Variants in TMC2 observed in about 807,000 individuals in gnomAD.
The protein encoded by TMC2 is transmembrane channel like 2.
Under a neutral mutation model 105.9 loss-of-function variants are expected in TMC2, and 102 were observed. The observed-to-expected ratio is 0.96, with a 90% CI of 0.82 to 1.14. The LOEUF (loss-of-function observed/expected upper bound fraction) is 1.14, where lower values mean the gene tolerates loss of function less well. TMC2 is among the 50% of genes most tolerant of loss of function. TMC2 has a pLI of 0.00. For synonymous variants in TMC2, 402 were observed against 422.8 expected (o/e 0.95, Z 0.60); for missense variants, 1,093 against 1,134.3 (o/e 0.96, Z 0.52).
At chr20:2,628,052 C>T (rs926261430) in intron 17 of TMC2, among the ~76,000 whole-genome samples, 6 of 151,796 alleles carry the variant, frequency 4.0e-5, no homozygotes, top group Admixed American at 6.6e-5. Flanking sequence ...CCTGTAATCC[C>T]AGCTACTTGA....
At position 2,615,487 on chromosome 20, in the gene TMC2, G is replaced by A. The variant is rs370488739; in HGVS notation, c.1873-650G>A. The stretch of plus-strand genomic sequence containing the variant: ...ATTTCTGGAAGACAAATTGGGATGT[G>A]GGCTTTAGCATGCTTCATGAGGACC... On this transcript the variant is annotated intron_variant, in intron 14 of 19. Transcript: ENST00000358864. Among the ~76,000 whole-genome samples, 138 of 152,298 alleles carry A rather than the reference G, an allele frequency of 9.1e-4. 2 individuals carry two copies. The South Asian group carries it at 0.028, about 31-fold the overall frequency.
chr20:2,558,804 G>A lies in TMC2; in HGVS notation c.401+30G>A. 6.7e-7 allele frequency: 1 copy of A among 1,498,052 alleles called. No homozygotes were observed. The highest frequency in any genetic ancestry group is 8.9e-7 in the Non-Finnish European group (1 of 1,124,308). The allele number at this position is 1,498,052 out of a possible 1,614,324, so 92.8% of individuals were successfully genotyped here. ...GTTGTGGCTCCGATTCTGGGCATTC[G>A]CTCCGCGCGCTCCCGCTCCTTCGCG... On this transcript the variant is annotated intron_variant, in intron 3 of 19. Coordinates refer to ENST00000358864, the MANE Select transcript of TMC2 (RefSeq NM_080751.3). The surrounding 1 kb of genome is among the most constrained non-coding windows in gnomAD (Gnocchi z 4.6).
In TMC2 at chr20:2,624,327, C is replaced by T. The variant is rs1174719064; in HGVS notation, c.2237C>T (p.Thr746Ile). The T allele has an allele frequency of 6.2e-7, 1 of 1,614,086 alleles. No individual in the cohort carries two copies. Among genetic ancestry groups the T allele is most frequent in the African/African-American group, 1.3e-5 (1 of 74,940 alleles). Residue 746 changes from threonine (T) to isoleucine (I), a missense_variant, in exon 17 of 20, where the codon ACC becomes ATC. By Grantham distance (89) the Thr-to-Ile change is moderately conservative (BLOSUM62 -1). Transcript: ENST00000358864. Reference sequence around the variant, plus strand: ...GAGACCATTGAAAACGATTTCCCAACCTTCCTGGGCAAGATCTTTGCTTTC... The same window carrying T: ...GAGACCATTGAAAACGATTTCCCAATCTTCCTGGGCAAGATCTTTGCTTTC... ...LQETIENDFPTFLGKIFAFLA... is the reference protein window; with the variant it reads ...LQETIENDFPIFLGKIFAFLA...
At chr20:2,634,516 T>G (rs1299652095) in intron 17 of TMC2, among the ~76,000 whole-genome samples, 1 of 152,148 alleles carries the variant, frequency 6.6e-6, no homozygotes, top group Non-Finnish European at 1.5e-5. Context: ...GACATGATAG[T>G]GACAATCTGG....
At chr20:2,630,014 T>C (rs1463075677) in intron 17 of TMC2, among the ~76,000 whole-genome samples, 2 of 152,232 alleles carry the variant, frequency 1.3e-5, no homozygotes, top group Non-Finnish European at 2.9e-5. Context: ...TGATCCCTAA[T>C]GCAGACAATA....
chr20:2,579,352 T>A (rs2086170621), intron 6 of TMC2, 125 bp downstream of exon 6: 2 of 419,668 alleles, frequency 4.8e-6, no homozygotes, highest in Non-Finnish European at 8.6e-6. Context: ...GAAAAAAGAA[T>A]GAGTTTTGAA....
intron 17 of TMC2, among the ~76,000 whole-genome samples, chr20:2,627,745 G>A (rs1402263992): frequency 2.0e-5 from 3 of 152,068 alleles, no homozygotes; most frequent in African/African-American, 7.3e-5. Flanking sequence ...CTGGAGAGCT[G>A]GACCAATACA....
intron 3 of TMC2, among the ~76,000 whole-genome samples, 184 bp from the exon 4 acceptor site, chr20:2,561,674 C>A (rs2086026584): frequency 6.6e-6 from 1 of 152,204 alleles, no homozygotes; most frequent in Non-Finnish European, 1.5e-5. Flanking sequence ...GGGGAGGCAG[C>A]CCTCCAGGGC....
intron 13 of TMC2, among the ~76,000 whole-genome samples, chr20:2,612,576 T>C (rs543573731): frequency 5.9e-5 from 9 of 152,296 alleles, no homozygotes; most frequent in East Asian, 1.9e-4. Context: ...ATATTTTCAA[T>C]TTTTCCAAAA....
At chr20:2,617,039 A>C in intron 15 of TMC2, 33 bp from the exon 16 acceptor site, 6 of 1,613,284 alleles carry the variant, frequency 3.7e-6, no homozygotes, top group Non-Finnish European at 5.1e-6. Flanking sequence ...CCTGCTGTCC[A>C]GCCAACCAGG....
At chr20:2,641,076 C>T (rs947045455) in intron 19 of TMC2, 58 bp from the exon 20 acceptor site, 22 of 1,505,928 alleles carry the variant, frequency 1.5e-5, no homozygotes, top group Non-Finnish European at 2.0e-5. Flanking sequence ...CAGAGAGCTC[C>T]AATCCAACCT....
intron 4 of TMC2, among the ~76,000 whole-genome samples, chr20:2,569,440 G>C (rs547661207): frequency 1.3e-5 from 2 of 152,264 alleles, no homozygotes; most frequent in African/African-American, 4.8e-5. Flanking sequence ...CTTTACAGTG[G>C]GTTTATTGGA....
At chr20:2,573,493 T>G (rs1348780811) in intron 5 of TMC2, among the ~76,000 whole-genome samples, 1 of 152,008 alleles carries the variant, frequency 6.6e-6, no homozygotes. Flanking sequence ...TACAAATTTT[T>G]GTGCTAATTT....
At chr20:2,625,092 G>A (rs992093219) in intron 17 of TMC2, among the ~76,000 whole-genome samples, 2 of 152,210 alleles carry the variant, frequency 1.3e-5, no homozygotes, top group Non-Finnish European at 2.9e-5. Context: ...AATGCTCAAG[G>A]AAAGAACTAG....
chr20:2,575,346 T>C (rs1159705416), intron 5 of TMC2, among the ~76,000 whole-genome samples: 1 of 152,232 alleles, frequency 6.6e-6, no homozygotes, highest in Non-Finnish European at 1.5e-5. Flanking sequence ...TAACTTTTAC[T>C]ACACATTTTT....
At chr20:2,612,368 G>T in intron 13 of TMC2, 28 bp downstream of exon 13, 1 of 1,509,110 alleles carries the variant, frequency 6.6e-7, no homozygotes, top group South Asian at 1.4e-5. Flanking sequence ...CTAAAAAGGT[G>T]ACCCCTGTTC....
At chr20:2,589,255 A>C (rs2086251457) in intron 7 of TMC2, among the ~76,000 whole-genome samples, 2 of 110,050 alleles carry the variant, frequency 1.8e-5, no homozygotes, top group South Asian at 6.0e-4. Flanking sequence ...TTTTCCAGAT[A>C]TCTTCCTATT....
At chr20:2,587,281 C>CA (rs1332162747) in intron 7 of TMC2, among the ~76,000 whole-genome samples, 1 of 152,050 alleles carries the variant, frequency 6.6e-6, no homozygotes, top group Non-Finnish European at 1.5e-5. Context: ...TGGGCACATA[C>CA]AAATTTAAGA....
intron 4 of TMC2, among the ~76,000 whole-genome samples, chr20:2,565,314 G>A (rs1349673219): frequency 6.6e-6 from 1 of 152,236 alleles, no homozygotes; most frequent in Non-Finnish European, 1.5e-5. Context: ...CCATTTTACT[G>A]ATGAGAAGAC....
Sources: allele counts gnomAD v4.1 joint callset (sites outside exome capture counted in the v4.1 genomes callset), GRCh38; gene constraint gnomAD v4.1.1; non-coding constraint Gnocchi (gnomAD v3.1); transcripts MANE v1.5; gene names NCBI Gene and HGNC (gene_info 2026-07-23, HGNC 2026-07-21).